MACROD2: variants seen among roughly 807,000 people sequenced by gnomAD.
MACROD2 encodes ADP-ribose glycohydrolase MACROD2.
A neutral mutation model predicts 70.4 loss-of-function variants in MACROD2; 36 were observed. The ratio of observed to expected loss-of-function variants is 0.51; its 90% CI spans 0.39 to 0.68. The LOEUF (loss-of-function observed/expected upper bound fraction) is 0.68. Ranked by LOEUF, MACROD2 falls within the 30% of genes least tolerant of loss-of-function variation. The probability of loss-of-function intolerance (pLI) is 0.00; values close to 1 mark genes in which losing one functional copy is unlikely to be tolerated. For synonymous variants in MACROD2, 172 were observed against 178.8 expected (o/e 0.96, Z 0.30); for missense variants, 496 against 538.4 (o/e 0.92, Z 0.78).
intron 6 of MACROD2, among the ~76,000 whole-genome samples, chr20:15,270,107 C>G (rs1464621315): frequency 2.0e-5 from 3 of 151,256 alleles, no homozygotes; most frequent in Non-Finnish European, 2.9e-5. Context: ...GCAGATTTCT[C>G]CTGAAGTTAA....
chr20:15,415,971 C>G (rs1473665823), intron 6 of MACROD2, among the ~76,000 whole-genome samples: 1 of 152,144 alleles, frequency 6.6e-6, no homozygotes. Context: ...GGGAGCCAAC[C>G]CTGGCCCGCT....
At chr20:15,090,787 A>G (rs2075787163) in intron 5 of MACROD2, among the ~76,000 whole-genome samples, 2 of 152,060 alleles carry the variant, frequency 1.3e-5, no homozygotes, top group African/African-American at 2.4e-5. Flanking sequence ...AGACACAGAA[A>G]TGTCCTTGGA....
In MACROD2 at chr20:15,959,768, G is replaced by T. The variant is rs544210226; in HGVS notation, c.908-7785G>T. Among the ~76,000 whole-genome samples, 176 of 152,028 alleles carry T rather than the reference G, an allele frequency of 1.2e-3. 1 individual carries two copies. The highest frequency in any genetic ancestry group is 4.1e-3 in the African/African-American group (170 of 41,488). The stretch of plus-strand genomic sequence containing the variant: ...AGTCTGGTCTTGAACTCCTGACCTC[G>T]TGATCTGCCCTCCTCAGCCTCCCAA... On this transcript the variant is annotated intron_variant, in intron 12 of 17. Transcript: ENST00000684519.
intron 3 of MACROD2, among the ~76,000 whole-genome samples, chr20:14,210,808 G>C (rs1024632438): frequency 3.3e-5 from 5 of 152,130 alleles, no homozygotes; most frequent in African/African-American, 1.2e-4. Flanking sequence ...AAGAAAAGAA[G>C]CTCTAAGCTT....
At chr20:14,342,566 G>C (rs2083024374) in intron 3 of MACROD2, among the ~76,000 whole-genome samples, 1 of 152,128 alleles carries the variant, frequency 6.6e-6, no homozygotes, top group African/African-American at 2.4e-5. Flanking sequence ...AGTCAGGCCA[G>C]ATGCTTAATG....
chr20:14,583,854 C>A (rs911685841), intron 4 of MACROD2, among the ~76,000 whole-genome samples: 4 of 152,118 alleles, frequency 2.6e-5, no homozygotes, highest in African/African-American at 9.7e-5. Context: ...AGTGAACAGA[C>A]CTGAGGTGCT....
chr20:14,635,814 A>G (rs1016779461), intron 4 of MACROD2, among the ~76,000 whole-genome samples: 1 of 152,174 alleles, frequency 6.6e-6, no homozygotes, highest in Non-Finnish European at 1.5e-5. Flanking sequence ...CAAGAAGATA[A>G]AAGCAAAGCC....
At chr20:14,985,591 T>C (rs897267564) in intron 5 of MACROD2, among the ~76,000 whole-genome samples, 5 of 151,952 alleles carry the variant, frequency 3.3e-5, no homozygotes, top group Non-Finnish European at 7.4e-5. Context: ...GGCTCAGCTG[T>C]TGGCAAGATG....
intron 8 of MACROD2, among the ~76,000 whole-genome samples, chr20:15,606,695 GA>G (rs1259511117): frequency 1.3e-5 from 2 of 152,112 alleles, no homozygotes; most frequent in South Asian, 2.1e-4. Flanking sequence ...CTAGTAGAAT[GA>G]CTTTATTTCA....
intron 5 of MACROD2, among the ~76,000 whole-genome samples, chr20:15,126,535 T>C (rs2076068463): frequency 6.6e-6 from 1 of 152,122 alleles, no homozygotes; most frequent in African/African-American, 2.4e-5. Flanking sequence ...TTACAGTAGT[T>C]CACTCAAATA....
At chr20:14,089,821 T>A (rs2054124354) in intron 3 of MACROD2, among the ~76,000 whole-genome samples, 1 of 152,218 alleles carries the variant, frequency 6.6e-6, no homozygotes, top group South Asian at 2.1e-4. Flanking sequence ...ATGAACCCTG[T>A]GTAAACTTCT....
At chr20:15,143,935 G>T (rs1488530192) in intron 5 of MACROD2, among the ~76,000 whole-genome samples, 5 of 122,934 alleles carry the variant, frequency 4.1e-5, no homozygotes, top group Non-Finnish European at 8.2e-5. Flanking sequence ...ACTAACGATC[G>T]CTGATGAGCT....
chr20:15,961,276 T>C (rs1029105145), intron 12 of MACROD2, among the ~76,000 whole-genome samples: 1 of 152,122 alleles, frequency 6.6e-6, no homozygotes, highest in Non-Finnish European at 1.5e-5. Flanking sequence ...CAGGAATAAA[T>C]TGATGTTCGG....
At chr20:15,657,341 G>A (rs543108962) in intron 8 of MACROD2, among the ~76,000 whole-genome samples, 40 of 152,248 alleles carry the variant, frequency 2.6e-4, no homozygotes, top group African/African-American at 6.7e-4. Context: ...CTACTAAAGA[G>A]CAGAAAGAGA....
chr20:14,651,301 G>A (rs1008585519), intron 4 of MACROD2, among the ~76,000 whole-genome samples: 1 of 152,028 alleles, frequency 6.6e-6, no homozygotes, highest in African/African-American at 2.4e-5. Flanking sequence ...AGTTCAACAG[G>A]TCAAGAAGAT....
chr20:15,148,054 T>C (rs1277080231), intron 5 of MACROD2, among the ~76,000 whole-genome samples: 1 of 151,462 alleles, frequency 6.6e-6, no homozygotes, highest in East Asian at 1.9e-4. Flanking sequence ...CATTCCTGTC[T>C]TCTTATATTA....
chr20:14,637,773 A>T (rs899253018), intron 4 of MACROD2, among the ~76,000 whole-genome samples: 1 of 151,756 alleles, frequency 6.6e-6, no homozygotes, highest in Non-Finnish European at 1.5e-5. Flanking sequence ...TTTTTTCCAA[A>T]TTTTTTCTCT....
At chr20:14,884,702 A>T (rs558874676) in intron 5 of MACROD2, 1 of 152,260 alleles carries the variant, frequency 6.6e-6, no homozygotes, top group African/African-American at 2.4e-5. Flanking sequence ...CCATGATGGG[A>T]ATGGATAGTC....
intron 5 of MACROD2, among the ~76,000 whole-genome samples, chr20:15,045,811 A>T (rs1047129907): frequency 3.1e-5 from 4 of 129,564 alleles, no homozygotes; most frequent in East Asian, 2.6e-4. Flanking sequence ...TGGCCTTGTT[A>T]TAACTGAGGG....
Sources: gnomAD v4.1 joint callset for allele counts (sites outside exome capture counted in the v4.1 genomes callset) on GRCh38, gnomAD v4.1.1 for gene constraint, MANE v1.5 for transcripts, NCBI Gene and HGNC (gene_info 2026-07-23, HGNC 2026-07-21) for gene names.